Variants in ATRNL1 observed in about 807,000 individuals in gnomAD.
ATRNL1 encodes attractin like 1.
ATRNL1 carries 95 observed loss-of-function variants against 182.7 expected under a neutral mutation model. The ratio of observed to expected loss-of-function variants is 0.52; its 90% CI spans 0.44 to 0.62. The LOEUF (loss-of-function observed/expected upper bound fraction) is 0.62, where lower values mean the gene tolerates loss of function less well. Among genes scored for constraint, ATRNL1 ranks in the 20% least tolerant of loss-of-function variants. The probability of loss-of-function intolerance (pLI) is 0.00; values close to 1 mark genes in which losing one functional copy is unlikely to be tolerated. For synonymous variants in ATRNL1, 576 were observed against 568.3 expected, an observed-to-expected ratio of 1.01 and a Z score of -0.19; for missense variants, 1,471 against 1,679.5, an observed-to-expected ratio of 0.88 and a Z score of 2.17.
chr10:115,797,029 A>G (rs114425048), intron 27 of ATRNL1, among the ~76,000 whole-genome samples: 1,678 of 152,306 alleles, frequency 0.011, 24 homozygotes, highest in African/African-American at 0.038. Flanking sequence ...ATAAACAAAA[A>G]GATAATTAAA....
At chr10:115,636,266 A>T (rs1858864430) in intron 26 of ATRNL1, among the ~76,000 whole-genome samples, 1 of 151,834 alleles carries the variant, frequency 6.6e-6, no homozygotes, top group Non-Finnish European at 1.5e-5. Context: ...CTTCTCCCTC[A>T]CTTAGAGACG....
chr10:115,615,056 TGTCATTTTCTTA>T (rs1857363359), intron 26 of ATRNL1, among the ~76,000 whole-genome samples: 1 of 152,134 alleles, frequency 6.6e-6, no homozygotes, highest in African/African-American at 2.4e-5. Context: ...AACATATTCC[TGTCATTTTCTTA>T]ATCATTTTCT....
chr10:115,473,808 A>G (rs970898746), intron 24 of ATRNL1, among the ~76,000 whole-genome samples: 1 of 151,266 alleles, frequency 6.6e-6, no homozygotes, highest in Non-Finnish European at 1.5e-5. Context: ...GGAAAGATGT[A>G]TTTTTCTAGG....
At chr10:115,182,637 C>A (rs542830005) in intron 8 of ATRNL1, among the ~76,000 whole-genome samples, 2 of 151,192 alleles carry the variant, frequency 1.3e-5, no homozygotes, top group South Asian at 4.2e-4. Context: ...GATGCAGAAA[C>A]GATGAAAATA....
rs28846809 is a variant in ATRNL1, at chr10:115,583,461, G to A, written c.3795+33925G>A. ...TTTGTAGTTCTCCTTGAAGAGATCC[G>A]TCACATCCCTTGTAAGTTGGATTCC... is the stretch of plus-strand genomic sequence containing the variant. On this transcript the variant is annotated intron_variant, in intron 26 of 28. Transcript: ENST00000355044. 3.0e-4 allele frequency among the ~76,000 whole-genome samples: 32 copies of A among 106,668 alleles called. 9 individuals are homozygous for A. In the Admixed American group the frequency reaches 3.7e-3, roughly 12 times the overall value. The allele number at this position is 106,668 out of a possible 152,430, so 70.0% of individuals were successfully genotyped here. A position where few individuals can be genotyped will look rare whatever the true frequency, so the allele number is the denominator to read the frequency against.
intron 26 of ATRNL1, among the ~76,000 whole-genome samples, chr10:115,657,310 G>C (rs1340094701): frequency 1.3e-5 from 2 of 152,164 alleles, no homozygotes; most frequent in African/African-American, 4.8e-5. Context: ...GATGGCTACA[G>C]ATGCTGACAA....
chr10:115,128,987 G>C (rs1251779439), intron 4 of ATRNL1, among the ~76,000 whole-genome samples: 2 of 151,792 alleles, frequency 1.3e-5, no homozygotes, highest in Non-Finnish European at 2.9e-5. Flanking sequence ...ATTTTTTTCT[G>C]TAAAATATAC....
rs78711536 is a variant in ATRNL1 at position 115,916,026 on chromosome 10, G to C, written c.4019-28632G>C. Among the ~76,000 whole-genome samples the C allele has an allele frequency of 7.0e-4, 107 of 152,306 alleles. No homozygotes were observed. The East Asian group carries it at 0.02, about 29-fold the overall frequency. On this transcript the variant is annotated intron_variant, in intron 28 of 28. Coordinates refer to ENST00000355044, the MANE Select transcript of ATRNL1 (RefSeq NM_207303.4). ...CAGACTCAGAGAAAGGGAAGAATTGGGCCAGTGATCTGTTCAAAGCAAAGC... is the reference window on the plus strand; with the variant it reads ...CAGACTCAGAGAAAGGGAAGAATTGCGCCAGTGATCTGTTCAAAGCAAAGC...
intron 28 of ATRNL1, among the ~76,000 whole-genome samples, chr10:115,856,003 T>C (rs2134377975): frequency 6.6e-6 from 1 of 152,340 alleles, no homozygotes; most frequent in Admixed American, 6.5e-5. Context: ...ATTCTACCCT[T>C]TATGACCAGA....
At chr10:115,661,590 C>A (rs1238235287) in intron 26 of ATRNL1, among the ~76,000 whole-genome samples, 1 of 151,922 alleles carries the variant, frequency 6.6e-6, no homozygotes, top group Non-Finnish European at 1.5e-5. Flanking sequence ...CTCACCTGTT[C>A]TTTTTTATTG....
rs1554910866 is a variant in ATRNL1, at chr10:115,266,834, C to T, written c.1810C>T (p.Leu604Phe). The T allele has an allele frequency of 6.2e-7, 1 of 1,611,166 alleles. No homozygotes were observed. Among genetic ancestry groups the T allele is most frequent in the South Asian group, 1.1e-5 (1 of 90,912 alleles). The change falls in exon 12 of 29, where the codon CTT becomes TTT. Residue 604 changes from leucine to phenylalanine, a missense_variant. Physicochemically the swap from Leu to Phe is conservative, Grantham distance 22. Transcript: ENST00000355044. Reference protein sequence around the residue: ...YIFGGFSSVLLNDILVYKPPN... With the variant: ...YIFGGFSSVLFNDILVYKPPN... The stretch of plus-strand genomic sequence containing the variant: ...ATTTGGGGGATTTTCTAGTGTACTC[C>T]TTAATGATATCCTTGTATACAAGCC...
chr10:115,824,137 A>T (rs1013746522), intron 27 of ATRNL1, among the ~76,000 whole-genome samples: 1 of 152,290 alleles, frequency 6.6e-6, no homozygotes, highest in South Asian at 2.1e-4. Context: ...CTCTACAACC[A>T]TCTGATGTTT....
At chr10:115,379,938 C>A (rs782117288) in intron 19 of ATRNL1, among the ~76,000 whole-genome samples, 1 of 152,160 alleles carries the variant, frequency 6.6e-6, no homozygotes, top group African/African-American at 2.4e-5. Flanking sequence ...ACCCTTCTCT[C>A]GCCTCAGCCT....
chr10:115,934,238 T>G (rs1272822738), intron 28 of ATRNL1, among the ~76,000 whole-genome samples: 1 of 152,192 alleles, frequency 6.6e-6, no homozygotes, highest in Non-Finnish European at 1.5e-5. Flanking sequence ...ACACTTTACA[T>G]AGTGAGAAAC....
intron 26 of ATRNL1, among the ~76,000 whole-genome samples, chr10:115,721,460 G>T (rs1222593341): frequency 1.3e-5 from 2 of 152,124 alleles, no homozygotes; most frequent in Non-Finnish European, 2.9e-5. Flanking sequence ...AGAAAAAGAG[G>T]TTTAATTGGA....
intron 9 of ATRNL1, among the ~76,000 whole-genome samples, chr10:115,230,911 G>GAGAGAGAGAGAGAA (rs1849911770): frequency 2.7e-5 from 3 of 112,104 alleles, no homozygotes; most frequent in Admixed American, 1.7e-4. Flanking sequence ...GAGAGAGAGA[G>GAGAGAGAGAGAGAA]AGAGAGAGAG....
intron 27 of ATRNL1, among the ~76,000 whole-genome samples, chr10:115,802,051 A>ACACACACACAAC (rs1412039169): frequency 8.9e-5 from 1 of 11,218 alleles, no homozygotes; most frequent in African/African-American, 2.9e-4. Flanking sequence ...CACACAAAAC[A>ACACACACACAAC]AAAAAAAACA....
chr10:115,343,258 A>G (rs2134100092), intron 19 of ATRNL1, among the ~76,000 whole-genome samples: 1 of 152,198 alleles, frequency 6.6e-6, no homozygotes, highest in African/African-American at 2.4e-5. Context: ...ACGAACTCTT[A>G]GATTTTCACT....
chr10:115,130,288 T>G (rs1845172468), intron 5 of ATRNL1, among the ~76,000 whole-genome samples: 2 of 151,206 alleles, frequency 1.3e-5, no homozygotes, highest in Admixed American at 1.3e-4. Context: ...GAAATTTGAC[T>G]CAATAATTAC....
Sources: allele counts gnomAD v4.1 joint callset (sites outside exome capture counted in the v4.1 genomes callset), GRCh38; gene constraint gnomAD v4.1.1; transcripts MANE v1.5; gene names NCBI Gene and HGNC (gene_info 2026-07-23, HGNC 2026-07-21).